CPNE2: variants seen among roughly 807,000 people sequenced by gnomAD.
CPNE2 encodes the protein copine-2.
In CPNE2, 42 loss-of-function variants were observed where a neutral mutation model predicts 69.7. That is an observed-to-expected ratio of 0.60 (90% confidence interval 0.47 to 0.78). The LOEUF (loss-of-function observed/expected upper bound fraction) is 0.78. Among genes scored for constraint, CPNE2 ranks in the 30% least tolerant of loss-of-function variants. The pLI is 0.00. For synonymous variants in CPNE2, 294 were observed against 289.8 expected (o/e 1.01, Z -0.15); for missense variants, 587 against 732.0 (o/e 0.80, Z 2.29).
At position 57,119,196 on chromosome 16, in the gene CPNE2, A is replaced by G; in HGVS notation, c.509A>G (p.Asp170Gly). Reference protein sequence around the residue: ...SLAGRRLDKKDLFGKSDPFLE... With the variant: ...SLAGRRLDKKGLFGKSDPFLE... ...CCCGCATCCTCCCACTTCTCCCAGGACCTCTTTGGGAAGTCAGACCCCTTT... is the reference window on the plus strand; with the variant it reads ...CCCGCATCCTCCCACTTCTCCCAGGGCCTCTTTGGGAAGTCAGACCCCTTT... The change falls in exon 6 of 16, where the codon GAC becomes GGC. Residue 170 changes from aspartate (D) to glycine (G), a missense_variant and splice_region_variant. Coordinates refer to ENST00000290776, the MANE Select transcript of CPNE2 (RefSeq NM_152727.6). 1.9e-6 allele frequency: 3 copies of G among 1,613,774 alleles called. No homozygotes were observed. The highest frequency in any genetic ancestry group is 2.5e-6 in the Non-Finnish European group (3 of 1,179,824).
chr16:57,111,386 G>A (rs1173469632), intron 2 of CPNE2, among the ~76,000 whole-genome samples: 1 of 152,048 alleles, frequency 6.6e-6, no homozygotes, highest in Admixed American at 6.6e-5. Flanking sequence ...CCATGTTGGC[G>A]AGGCTGGTCC....
At chr16:57,123,303 T>A in intron 9 of CPNE2, 111 bp from the exon 10 acceptor site, 2 of 1,106,562 alleles carry the variant, frequency 1.8e-6, no homozygotes, top group Non-Finnish European at 2.7e-6. Context: ...GCCCATCAGC[T>A]TTTTTTGACC....
In CPNE2 at chr16:57,121,770, C is replaced by T. The variant is rs181190146; in HGVS notation, c.867+10C>T. 11 of 1,613,584 alleles carry T rather than the reference C, an allele frequency of 6.8e-6. No individual in the cohort carries two copies. The highest frequency in any genetic ancestry group is 3.3e-5 in the South Asian group (3 of 91,054). The stretch of plus-strand genomic sequence containing the variant: ...CCTGCGATCCTGCAAGGTGAACCAG[C>T]GTGGGCAAGCACGAGCCAGGGGCCA... On this transcript the variant is annotated intron_variant, in intron 9 of 15. Transcript: ENST00000290776.
At chr16:57,102,028 C>T (rs1238930906) in intron 1 of CPNE2, among the ~76,000 whole-genome samples, 1 of 151,614 alleles carries the variant, frequency 6.6e-6, no homozygotes, top group African/African-American at 2.4e-5. Flanking sequence ...CTCACTGCAG[C>T]CTTGACTTCC....
At chr16:57,102,103 A>C (rs1259952335) in intron 1 of CPNE2, among the ~76,000 whole-genome samples, 1 of 151,072 alleles carries the variant, frequency 6.6e-6, no homozygotes, top group African/African-American at 2.5e-5. Flanking sequence ...ACATGCCACC[A>C]TGCCCAGCTA....
intron 13 of CPNE2, among the ~76,000 whole-genome samples, chr16:57,135,681 C>A: frequency 6.6e-6 from 1 of 151,042 alleles, no homozygotes; most frequent in South Asian, 2.1e-4. Context: ...CAAGACCAGC[C>A]TGGCCAAGAT....
chr16:57,139,114 G>A (rs111992142), intron 14 of CPNE2, among the ~76,000 whole-genome samples: 3 of 152,340 alleles, frequency 2.0e-5, no homozygotes, highest in African/African-American at 2.4e-5. Flanking sequence ...CAGTCTCCCC[G>A]AGCATTTGGG....
chr16:57,115,262 C>T (rs66736014), intron 3 of CPNE2, among the ~76,000 whole-genome samples: 50,029 of 151,960 alleles, frequency 0.33, 8,420 homozygotes, highest in Middle Eastern at 0.44. Context: ...AGACCTCAGG[C>T]GGGTCTCTTA....
chr16:57,124,960 C>T (rs62037312), intron 10 of CPNE2: 18,223 of 269,710 alleles, frequency 0.068, 749 homozygotes, highest in Middle Eastern at 0.093. Context: ...GTCCCTGCAG[C>T]GGTCCCTCAA....
intron 14 of CPNE2, 167 bp from the exon 15 acceptor site, chr16:57,145,918 G>T: frequency 3.2e-6 from 2 of 630,050 alleles, no homozygotes; most frequent in Non-Finnish European, 5.7e-6. Context: ...CTGCAGGGGT[G>T]GGGTGCTGAG....
intron 12 of CPNE2, among the ~76,000 whole-genome samples, chr16:57,132,288 G>T (rs1351845215): frequency 1.3e-5 from 2 of 152,230 alleles, no homozygotes; most frequent in East Asian, 3.9e-4. Context: ...TCCCTTTGGA[G>T]ATGGCATGAG....
chr16:57,129,594 G>A (rs1325368602), intron 12 of CPNE2, among the ~76,000 whole-genome samples: 2 of 152,210 alleles, frequency 1.3e-5, no homozygotes, highest in Non-Finnish European at 2.9e-5. Context: ...GAGGCAGATG[G>A]ATCATTTGAG....
intron 8 of CPNE2, 111 bp downstream of exon 8, chr16:57,121,302 A>G: frequency 1.2e-6 from 1 of 839,806 alleles, no homozygotes; most frequent in South Asian, 1.7e-5. Flanking sequence ...TGGCTGCATG[A>G]CCTTGAGCAA....
chr16:57,107,336 G>C (rs146644463), intron 1 of CPNE2, among the ~76,000 whole-genome samples: 19 of 152,358 alleles, frequency 1.2e-4, no homozygotes, highest in Non-Finnish European at 2.5e-4. Context: ...GGCTGGGAGG[G>C]AGGGGGCTGA....
In CPNE2 at chr16:57,121,683, G is replaced by A. The variant is rs774781869; in HGVS notation, c.790G>A (p.Glu264Lys). The change falls in exon 9 of 16, where the codon GAG (glutamate) becomes AAG (lysine). Residue 264 changes from glutamate to lysine, a missense_variant. Physicochemically the swap from Glu to Lys is moderately conservative, Grantham distance 56. Transcript: ENST00000290776. The stretch of plus-strand genomic sequence containing the variant: ...CTTTTGCGTTGCCCAGCTGGAGTTC[G>A]AGTGCATCAACCCCAAGAAGCAGAG... ...EARDSVPLEF[E>K]CINPKKQRKK... 44 of 1,613,992 alleles carry A rather than the reference G, an allele frequency of 2.7e-5. No homozygotes were observed. The highest frequency in any genetic ancestry group is 3.1e-5 in the Non-Finnish European group (37 of 1,180,006).
Position 57,123,467 on chromosome 16 carries a change from G to T in CPNE2, c.921G>T (p.Met307Ile). ...ACATCCTGGGAGGCTGCCAGCTCAT[G>T]TTCACCGTAAGGCTCTCCCCGCTGG... ...LDYILGGCQLMFTVGIDFTAS... is the reference protein window; with the variant it reads ...LDYILGGCQLIFTVGIDFTAS... Residue 307 changes from methionine (M) to isoleucine (I), a missense_variant, in exon 10 of 16, where the codon ATG (methionine) becomes ATT (isoleucine). By Grantham distance (10) the Met-to-Ile change is conservative. Transcript: ENST00000290776. 1 of 1,613,248 alleles carries T rather than the reference G, an allele frequency of 6.2e-7. No individual in the cohort carries two copies.
rs374283081 is a variant in CPNE2 at position 57,123,401 on chromosome 16, C to T, written c.868-13C>T. On this transcript the variant is annotated splice_polypyrimidine_tract_variant and intron_variant, in intron 9 of 15. Coordinates refer to ENST00000290776, the MANE Select transcript of CPNE2 (RefSeq NM_152727.6). Reference sequence around the variant, plus strand: ...AGTCAAGGGGACCCACTGACTCATCCGCTTTCTTCCAGATAAACCGAGACT... The same window carrying T: ...AGTCAAGGGGACCCACTGACTCATCTGCTTTCTTCCAGATAAACCGAGACT... 12 of 1,612,282 alleles carry T rather than the reference C, an allele frequency of 7.4e-6. No individual in the cohort carries two copies. The highest frequency in any genetic ancestry group is 2.7e-5 in the African/African-American group (2 of 74,922).
intron 14 of CPNE2, chr16:57,144,891 T>A (rs187228252): frequency 1.3e-5 from 2 of 151,982 alleles, no homozygotes; most frequent in Admixed American, 6.5e-5. Context: ...GAGGTTGCAG[T>A]GAGCCCAGGT....
At chr16:57,126,410 T>C (rs1157902935) in intron 11 of CPNE2, among the ~76,000 whole-genome samples, 1 of 152,196 alleles carries the variant, frequency 6.6e-6, no homozygotes, top group Non-Finnish European at 1.5e-5. Context: ...CCTAGTTCCC[T>C]AATGGTCTCG....
Sources: allele counts gnomAD v4.1 joint callset (sites outside exome capture counted in the v4.1 genomes callset), GRCh38; gene constraint gnomAD v4.1.1; transcripts MANE v1.5; gene names NCBI Gene and HGNC (gene_info 2026-07-23, HGNC 2026-07-21).